PTPRG: variants seen among roughly 807,000 people sequenced by gnomAD.
PTPRG encodes receptor-type tyrosine-protein phosphatase gamma.
Under a neutral mutation model 165.3 loss-of-function variants are expected in PTPRG, and 102 were observed. The observed-to-expected ratio is 0.62, with a 90% CI of 0.53 to 0.73. The LOEUF is 0.73. PTPRG is among the 30% of genes least tolerant of loss of function. PTPRG has a pLI of 0.00. For synonymous variants in PTPRG, 675 were observed against 669.5 expected, an observed-to-expected ratio of 1.01 and a Z score of -0.13; for missense variants, 1,866 against 1,861.4, an observed-to-expected ratio of 1.00 and a Z score of -0.05.
At chr3:61,587,438 T>C (rs757658231) in intron 1 of PTPRG, among the ~76,000 whole-genome samples, 11 of 152,162 alleles carry the variant, frequency 7.2e-5, no homozygotes, top group Non-Finnish European at 1.6e-4. Context: ...GCAGTTTAAG[T>C]TGCAGCCGTG....
intron 6 of PTPRG, among the ~76,000 whole-genome samples, chr3:62,132,903 A>G (rs1319406886): frequency 1.3e-5 from 2 of 152,230 alleles, no homozygotes; most frequent in Non-Finnish European, 2.9e-5. Flanking sequence ...GTTTGAATGC[A>G]TATGTTATAA....
intron 4 of PTPRG, among the ~76,000 whole-genome samples, chr3:62,056,821 G>A (rs78553063): frequency 6.6e-6 from 1 of 152,164 alleles, no homozygotes; most frequent in Non-Finnish European, 1.5e-5. Flanking sequence ...CCTAGACTTT[G>A]TGTCTATTTA....
At chr3:61,899,740 A>G (rs1409010885) in intron 2 of PTPRG, among the ~76,000 whole-genome samples, 1 of 152,164 alleles carries the variant, frequency 6.6e-6, no homozygotes. Flanking sequence ...GCATCTGTAT[A>G]TAGTTTGAAA....
intron 1 of PTPRG, among the ~76,000 whole-genome samples, chr3:61,641,516 T>C (rs995102020): frequency 2.4e-4 from 37 of 152,248 alleles, no homozygotes; most frequent in African/African-American, 8.4e-4. Context: ...ATTTTACTGA[T>C]ATGTTTTTAA....
At chr3:61,709,328 T>A (rs754295718) in intron 1 of PTPRG, among the ~76,000 whole-genome samples, 15 of 152,184 alleles carry the variant, frequency 9.9e-5, no homozygotes, top group Admixed American at 2.6e-4. Context: ...TTATTTATTT[T>A]TTTTGAAATG....
chr3:61,992,669 G>A (rs1449665924), intron 3 of PTPRG, among the ~76,000 whole-genome samples: 5 of 152,124 alleles, frequency 3.3e-5, no homozygotes, highest in Non-Finnish European at 7.4e-5. Context: ...ACAGGAGTGC[G>A]CGCCACCACC....
chr3:62,072,301 T>C (rs1269956506), intron 4 of PTPRG, among the ~76,000 whole-genome samples: 1 of 152,186 alleles, frequency 6.6e-6, no homozygotes, highest in East Asian at 1.9e-4. Context: ...TGTTTCCTGG[T>C]CGATGATGAT....
rs766408363 is a variant in PTPRG at position 62,269,015 on chromosome 3, C to T, written c.2875-20C>T. 2.0e-6 allele frequency: 3 copies of T among 1,535,972 alleles called. No individual in the cohort carries two copies. Among genetic ancestry groups the T allele is most frequent in the South Asian group, 1.3e-5 (1 of 78,374 alleles). On this transcript the variant is annotated intron_variant, in intron 19 of 29. Coordinates refer to ENST00000474889, the MANE Select transcript of PTPRG (RefSeq NM_002841.4). ...TGGCATAGATTGCAGTTATACTTTA[C>T]AACTTTTTTCTTTCTGCAGCGAAAA... is the stretch of plus-strand genomic sequence containing the variant.
chr3:61,634,243 C>G (rs1433332988), intron 1 of PTPRG, among the ~76,000 whole-genome samples: 1 of 151,588 alleles, frequency 6.6e-6, no homozygotes, highest in Non-Finnish European at 1.5e-5. Context: ...AGCCACCAAA[C>G]TGCCTGTTTT....
intron 4 of PTPRG, among the ~76,000 whole-genome samples, chr3:62,047,541 C>T (rs1700336383): frequency 6.6e-6 from 1 of 152,142 alleles, no homozygotes; most frequent in African/African-American, 2.4e-5. Context: ...GGATTACAGG[C>T]GTGAGCCACC....
chr3:61,956,065 A>G lies in PTPRG; in HGVS notation c.191-33560A>G, dbSNP rs73842166. On this transcript the variant is annotated intron_variant, in intron 2 of 29. Transcript: ENST00000474889. ...CCTTAGTTTAACCTGAAAATGAAAG[A>G]GCATGTGGACTAAGGGGAAAAAAAT... Among the ~76,000 whole-genome samples the G allele has an allele frequency of 7.2e-3, 1,084 of 151,048 alleles. 11 individuals carry two copies. Among genetic ancestry groups the G allele is most frequent in the African/African-American group, 0.025 (1,043 of 41,070 alleles).
intron 2 of PTPRG, among the ~76,000 whole-genome samples, chr3:61,877,347 G>C (rs2037769907): frequency 6.6e-6 from 1 of 152,130 alleles, no homozygotes. Flanking sequence ...TGAGAATGCT[G>C]GCCTGGCCTG....
Position 61,629,315 on chromosome 3 carries a change from C to T in PTPRG, c.85+66943C>T, listed in dbSNP as rs1559531205. On this transcript the variant is annotated intron_variant, in intron 1 of 29. Coordinates refer to ENST00000474889, the MANE Select transcript of PTPRG (RefSeq NM_002841.4). ...GATTACAGGCACCCACCACCATGAC[C>T]GGCTAATTTTTGGGTTTTTAGTAGA... 3.3e-5 allele frequency among the ~76,000 whole-genome samples: 5 copies of T among 152,106 alleles called. No individual in the cohort carries two copies. In the South Asian group the frequency reaches 6.2e-4, roughly 19 times the overall value.
intron 15 of PTPRG, among the ~76,000 whole-genome samples, chr3:62,250,463 CT>C (rs1701386008): frequency 6.6e-6 from 1 of 152,192 alleles, no homozygotes; most frequent in Admixed American, 6.5e-5. Context: ...TCAGGGACAG[CT>C]TTGGCTGCTT....
In PTPRG at chr3:62,057,641, C is replaced by T. The variant is rs72887879; in HGVS notation, c.520-20522C>T. ...AAAAATAACTCTGCCAGAGCAGTGC[C>T]CTGGACAGGTTTGCAGCTCTGAGAT... On this transcript the variant is annotated intron_variant, in intron 4 of 29. Coordinates refer to ENST00000474889, the MANE Select transcript of PTPRG (RefSeq NM_002841.4). Among the ~76,000 whole-genome samples the T allele has an allele frequency of 8.0e-3, 1,212 of 152,254 alleles. 18 individuals are homozygous for T. The highest frequency in any genetic ancestry group is 0.026 in the African/African-American group (1,084 of 41,548).
chr3:61,623,556 G>A (rs894463548), intron 1 of PTPRG, among the ~76,000 whole-genome samples: 1 of 152,154 alleles, frequency 6.6e-6, no homozygotes, highest in South Asian at 2.1e-4. Flanking sequence ...TGTTCAGGAG[G>A]TAGGTATAGC....
intron 1 of PTPRG, among the ~76,000 whole-genome samples, chr3:61,600,164 A>AG (rs1700812846): frequency 1.1e-5 from 1 of 87,746 alleles, no homozygotes; most frequent in Non-Finnish European, 2.3e-5. Context: ...TGTCTCAAAA[A>AG]AAAAAAAAAA....
chr3:61,680,737 A>T (rs889485578), intron 1 of PTPRG, among the ~76,000 whole-genome samples: 1 of 131,872 alleles, frequency 7.6e-6, no homozygotes, highest in South Asian at 2.5e-4. Flanking sequence ...TCTGGTTATC[A>T]GGTGTGGTAC....
At chr3:61,602,246 C>T (rs1213881580) in intron 1 of PTPRG, among the ~76,000 whole-genome samples, 1 of 151,972 alleles carries the variant, frequency 6.6e-6, no homozygotes, top group East Asian at 1.9e-4. Flanking sequence ...GTCTTGCTCA[C>T]TTGGGTTTCC....
Sources: allele counts gnomAD v4.1 joint callset (sites outside exome capture counted in the v4.1 genomes callset), GRCh38; gene constraint gnomAD v4.1.1; transcripts MANE v1.5; gene names NCBI Gene and HGNC (gene_info 2026-07-23, HGNC 2026-07-21).